TAFA2: variants seen among roughly 807,000 people sequenced by gnomAD.
TAFA2 encodes the protein chemokine-like protein TAFA-2.
In TAFA2, 7 loss-of-function variants were observed where a neutral mutation model predicts 18.8. The ratio of observed to expected loss-of-function variants is 0.37; its 90% confidence interval spans 0.21 to 0.70. The LOEUF (loss-of-function observed/expected upper bound fraction) is 0.70, where lower values mean the gene tolerates loss of function less well. TAFA2 is among the 30% of genes least tolerant of loss of function. TAFA2 has a pLI of 0.53. For synonymous variants in TAFA2, 60 were observed against 54.2 expected (o/e 1.11, Z -0.47); for missense variants, 122 against 158.1 (o/e 0.77, Z 1.23).
At chr12:62,106,176 T>TA (rs200369835) in intron 1 of TAFA2, among the ~76,000 whole-genome samples, 16,708 of 149,102 alleles carry the variant, frequency 0.11, 1,221 homozygotes, top group Non-Finnish European at 0.16. Context: ...CTGCTAAAAA[T>TA]AAAAAAAAAT....
intron 1 of TAFA2, among the ~76,000 whole-genome samples, chr12:61,878,655 G>C (rs1490847924): frequency 6.6e-6 from 1 of 152,088 alleles, no homozygotes; most frequent in Non-Finnish European, 1.5e-5. Context: ...TTTGAGCTTG[G>C]TTGCTCTGCA....
intron 1 of TAFA2, among the ~76,000 whole-genome samples, chr12:61,941,792 G>A (rs1182401832): frequency 5.3e-5 from 8 of 152,194 alleles, no homozygotes; most frequent in African/African-American, 7.2e-5. Context: ...CACCTGGCTC[G>A]GAGGGTCCTA....
intron 1 of TAFA2, among the ~76,000 whole-genome samples, chr12:61,993,542 G>A (rs1335403158): frequency 1.3e-5 from 2 of 151,972 alleles, no homozygotes; most frequent in Non-Finnish European, 2.9e-5. Flanking sequence ...AAGAACACAA[G>A]GTTCTTTTGA....
intron 1 of TAFA2, among the ~76,000 whole-genome samples, chr12:61,998,009 T>C (rs1328176885): frequency 6.6e-6 from 1 of 152,078 alleles, no homozygotes; most frequent in Non-Finnish European, 1.5e-5. Flanking sequence ...AGTTCCAATC[T>C]GCAGGAAATC....
intron 1 of TAFA2, among the ~76,000 whole-genome samples, chr12:62,203,598 T>C (rs1423872003): frequency 6.6e-6 from 1 of 152,240 alleles, no homozygotes; most frequent in Non-Finnish European, 1.5e-5. Flanking sequence ...GTAATGCCCT[T>C]GTCTTTTTTT....
intron 1 of TAFA2, among the ~76,000 whole-genome samples, chr12:62,066,776 G>T (rs544461212): frequency 1.3e-5 from 2 of 152,042 alleles, no homozygotes; most frequent in South Asian, 2.1e-4. Context: ...AATAAACAAG[G>T]GAATGCAGAT....
chr12:61,799,113 G>A (rs1213110543), intron 2 of TAFA2, among the ~76,000 whole-genome samples: 1 of 152,164 alleles, frequency 6.6e-6, no homozygotes, highest in Non-Finnish European at 1.5e-5. Flanking sequence ...CAACTTTTGT[G>A]ATTAAAATGT....
At chr12:61,831,203 A>AATTT (rs1872708754) in intron 2 of TAFA2, among the ~76,000 whole-genome samples, 1 of 152,062 alleles carries the variant, frequency 6.6e-6, no homozygotes, top group Non-Finnish European at 1.5e-5. Context: ...TGGTATGTAA[A>AATTT]GATTTGCAAA....
At chr12:62,025,251 T>C (rs1881274869) in intron 1 of TAFA2, among the ~76,000 whole-genome samples, 1 of 152,002 alleles carries the variant, frequency 6.6e-6, no homozygotes, top group Non-Finnish European at 1.5e-5. Context: ...TGGGTACTAC[T>C]AGAGGAGGGA....
intron 1 of TAFA2, among the ~76,000 whole-genome samples, chr12:62,074,917 G>T (rs1020451568): frequency 2.8e-4 from 42 of 151,968 alleles, no homozygotes; most frequent in African/African-American, 9.7e-4. Context: ...GCCCAGGCTG[G>T]TTTCAAACTC....
intron 1 of TAFA2, among the ~76,000 whole-genome samples, chr12:62,129,918 T>TA (rs1263744935): frequency 6.6e-6 from 1 of 152,048 alleles, no homozygotes; most frequent in Non-Finnish European, 1.5e-5. Flanking sequence ...TCCAGAATTC[T>TA]AAAACATACC....
In TAFA2 at chr12:61,775,652, A is replaced by T. The variant is rs780515049; in HGVS notation, c.107-20628T>A. On this transcript the variant is annotated intron_variant, in intron 2 of 4. Coordinates refer to ENST00000416284, the MANE Select transcript of TAFA2 (RefSeq NM_178539.5). ...AGGGGAAAGGGAGGGATGAATAAGCAGAACACAGGATTTTTAGGGCAGTGA... is the reference window on the plus strand; with the variant it reads ...AGGGGAAAGGGAGGGATGAATAAGCTGAACACAGGATTTTTAGGGCAGTGA... 2.2e-4 allele frequency among the ~76,000 whole-genome samples: 33 copies of T among 151,980 alleles called. 1 individual carries two copies. In the Middle Eastern group the frequency reaches 0.014, roughly 63 times the overall value.
chr12:61,722,334 T>A (rs979357734), intron 4 of TAFA2, among the ~76,000 whole-genome samples: 2 of 152,178 alleles, frequency 1.3e-5, no homozygotes, highest in Non-Finnish European at 2.9e-5. Flanking sequence ...TCACTGCTAA[T>A]CCTGGCCTCT....
intron 1 of TAFA2, among the ~76,000 whole-genome samples, chr12:61,908,722 A>G (rs1356903352): frequency 6.6e-6 from 1 of 152,218 alleles, no homozygotes; most frequent in Non-Finnish European, 1.5e-5. Flanking sequence ...TAAATATAAT[A>G]TTAAAGAACA....
chr12:61,995,285 C>T (rs991726577), intron 1 of TAFA2, among the ~76,000 whole-genome samples: 3 of 152,266 alleles, frequency 2.0e-5, no homozygotes, highest in Admixed American at 6.5e-5. Flanking sequence ...AGAGCCTTTA[C>T]GCTTCCTATA....
intron 2 of TAFA2, among the ~76,000 whole-genome samples, chr12:61,831,498 T>C (rs1322347242): frequency 6.6e-6 from 1 of 152,048 alleles, no homozygotes; most frequent in Non-Finnish European, 1.5e-5. Context: ...TCCACCAATT[T>C]TCTTCTCCTT....
chr12:61,712,057 G>A (rs1381832444), intron 4 of TAFA2, among the ~76,000 whole-genome samples: 1 of 152,096 alleles, frequency 6.6e-6, no homozygotes, highest in Non-Finnish European at 1.5e-5. Context: ...ATATGTGTGT[G>A]TGTAAAAGAT....
intron 1 of TAFA2, among the ~76,000 whole-genome samples, chr12:62,153,270 A>C (rs550549745): frequency 6.6e-6 from 1 of 152,204 alleles, no homozygotes; most frequent in African/African-American, 2.4e-5. Context: ...GATATAAGAC[A>C]TACAAGAAGT....
In TAFA2 at chr12:62,057,974, A is replaced by G. The variant is rs1247532627; in HGVS notation, c.-2+133285T>C. On this transcript the variant is annotated intron_variant, in intron 1 of 4. Transcript: ENST00000416284. ...ATTTCCTTTAATGAAGGATCACCCA[A>G]TGGCAAGCTCTCTCTTTGTCTGAAA... Among the ~76,000 whole-genome samples, 4 of 152,204 alleles carry G rather than the reference A, an allele frequency of 2.6e-5. 1 individual carries two copies. The highest frequency in any genetic ancestry group is 9.6e-5 in the African/African-American group (4 of 41,456).
Sources: gnomAD v4.1 joint callset for allele counts (sites outside exome capture counted in the v4.1 genomes callset) on GRCh38, gnomAD v4.1.1 for gene constraint, MANE v1.5 for transcripts, NCBI Gene and HGNC (gene_info 2026-07-23, HGNC 2026-07-21) for gene names.